Variants in OPA1 observed in about 807,000 individuals in gnomAD.
The protein encoded by OPA1 is dynamin-like GTPase OPA1, mitochondrial.
In OPA1, 59 loss-of-function variants were observed where a neutral mutation model predicts 152.9. That is an observed-to-expected ratio of 0.39 (90% CI 0.31 to 0.48). The LOEUF (loss-of-function observed/expected upper bound fraction) is 0.48, where lower values mean the gene tolerates loss of function less well. Ranked by LOEUF, OPA1 falls within the 20% of genes least tolerant of loss-of-function variation. The pLI, the probability that OPA1 is intolerant of heterozygous loss-of-function variation, is 0.96. For synonymous variants in OPA1, 400 were observed against 389.9 expected, an observed-to-expected ratio of 1.03 and a Z score of -0.31; for missense variants, 1,008 against 1,216.8, an observed-to-expected ratio of 0.83 and a Z score of 2.55.
intron 1 of OPA1, among the ~76,000 whole-genome samples, chr3:193,601,551 C>G (rs1165274737): frequency 2.0e-5 from 3 of 152,118 alleles, no homozygotes; most frequent in Non-Finnish European, 4.4e-5. Context: ...GAATAACATC[C>G]AGTGGGAAAT....
chr3:193,652,187 C>A (rs1231145623), intron 21 of OPA1, among the ~76,000 whole-genome samples: 2 of 151,998 alleles, frequency 1.3e-5, no homozygotes, highest in African/African-American at 4.8e-5. Context: ...TCAAGACCAA[C>A]CTGGGCAACA....
intron 11 of OPA1, 22 bp downstream of exon 11, chr3:193,638,087 G>A (rs767706529): frequency 3.2e-6 from 5 of 1,557,484 alleles, no homozygotes; most frequent in Non-Finnish European, 8.9e-7. Flanking sequence ...GGCCGTCTCA[G>A]TGAGGTTCCT....
chr3:193,594,733 G>C (rs982316469), intron 1 of OPA1, among the ~76,000 whole-genome samples: 6 of 152,172 alleles, frequency 3.9e-5, no homozygotes, highest in Admixed American at 3.3e-4. Context: ...TACAGAACTA[G>C]ATGAGATAAC....
intron 5 of OPA1, 34 bp downstream of exon 5, chr3:193,617,871 T>C (rs1729316595): frequency 1.3e-6 from 2 of 1,510,006 alleles, no homozygotes; most frequent in East Asian, 4.5e-5. Flanking sequence ...GACCTTAACA[T>C]GCCTTTTAAA....
At chr3:193,664,777 A>G (rs929877095) in intron 26 of OPA1, 103 bp from the exon 27 acceptor site, 7 of 739,506 alleles carry the variant, frequency 9.5e-6, no homozygotes, top group African/African-American at 7.1e-5. Context: ...TTTTGCTTTT[A>G]ATTAACTTTT....
Position 193,622,146 on chromosome 3 carries a change from A to G in OPA1, c.678+3210A>G, listed in dbSNP as rs143167673. 4.4e-3 allele frequency among the ~76,000 whole-genome samples: 665 copies of G among 152,180 alleles called. 8 individuals carry two copies. The highest frequency in any genetic ancestry group is 0.015 in the African/African-American group (620 of 41,512). On this transcript the variant is annotated intron_variant, in intron 6 of 30. Coordinates refer to ENST00000361510, the MANE Select transcript of OPA1 (RefSeq NM_130837.3). ...GGACTTTTTCATGGCCCAAATCATGAAAAGTAGTAGTATTGTTTTAAGTAT... is the reference window on the plus strand; with the variant it reads ...GGACTTTTTCATGGCCCAAATCATGGAAAGTAGTAGTATTGTTTTAAGTAT...
intron 29 of OPA1, among the ~76,000 whole-genome samples, chr3:193,688,610 ATACT>A (rs1278138733): frequency 6.6e-6 from 1 of 151,306 alleles, no homozygotes; most frequent in Non-Finnish European, 1.5e-5. Flanking sequence ...GTCAAAGGTA[ATACT>A]TAAAAAAGAC....
intron 1 of OPA1, among the ~76,000 whole-genome samples, chr3:193,595,186 A>G (rs542189310): frequency 3.9e-5 from 6 of 152,350 alleles, no homozygotes; most frequent in East Asian, 1.9e-4. Flanking sequence ...TTCTTTTGCT[A>G]TAGTTCCTTT....
intron 16 of OPA1, 92 bp downstream of exon 16, chr3:193,644,197 CA>C: frequency 7.3e-7 from 1 of 1,364,168 alleles, no homozygotes; most frequent in East Asian, 2.4e-5. Context: ...ACAACAACAA[CA>C]AAAAAACACC....
rs1722293851 is a variant in OPA1 at position 193,696,902 on chromosome 3, C to A, written c.*2302C>A. 6.6e-6 allele frequency: 1 copy of A among 152,194 alleles called. No individual in the cohort carries two copies. Among genetic ancestry groups the A allele is most frequent in the South Asian group, 2.1e-4 (1 of 4,830 alleles). The allele number at this position is 152,194 out of a possible 1,614,324, so 9.4% of individuals were successfully genotyped here. On this transcript the variant is annotated 3_prime_UTR_variant, in exon 31 of 31. Transcript: ENST00000361510. ...CGAAATAAGTGGCCCTTGCAGCTTCCCCGTTTAACCCACTGTGCTATAGTT... is the reference window on the plus strand; with the variant it reads ...CGAAATAAGTGGCCCTTGCAGCTTCACCGTTTAACCCACTGTGCTATAGTT...
chr3:193,676,979 C>CAAAAAAA (rs151218523), intron 29 of OPA1, among the ~76,000 whole-genome samples: 2 of 70,844 alleles, frequency 2.8e-5, no homozygotes, highest in East Asian at 4.6e-4. Flanking sequence ...AGACTCGTCT[C>CAAAAAAA]AAAAAAAAAA....
At chr3:193,637,313 T>A (rs10451941) in intron 10 of OPA1, 32 bp downstream of exon 10, 2 of 1,416,832 alleles carry the variant, frequency 1.4e-6, no homozygotes, top group Non-Finnish European at 1.0e-6. Context: ...AACTTGCCAA[T>A]TAGCAAAAAA....
chr3:193,613,885 TA>T (rs749570814), intron 1 of OPA1: 3 of 517,182 alleles, frequency 5.8e-6, no homozygotes, highest in African/African-American at 5.8e-5. Context: ...GCCTCCTTCT[TA>T]AGAAGTTTCC....
At chr3:193,618,679 G>GT (rs145678823) in intron 5 of OPA1, 190 bp from the exon 6 acceptor site, 11,924 of 501,774 alleles carry the variant, frequency 0.024, 3 homozygotes, top group South Asian at 0.031. Context: ...GCTATAGTTA[G>GT]TTTTTTTTTT....
At chr3:193,609,533 G>A (rs970750390) in intron 1 of OPA1, among the ~76,000 whole-genome samples, 7 of 152,114 alleles carry the variant, frequency 4.6e-5, no homozygotes, top group Non-Finnish European at 1.0e-4. Context: ...TGCTCTTTTC[G>A]AGGAGTATCT....
intron 29 of OPA1, chr3:193,691,433 C>T (rs1413080953): frequency 6.6e-6 from 1 of 152,078 alleles, no homozygotes; most frequent in Non-Finnish European, 1.5e-5. Flanking sequence ...TATTTTTAAA[C>T]TTATTTATAG....
In OPA1 at chr3:193,654,766, G is replaced by A. The variant is rs190899063; in HGVS notation, c.2013-96G>A. ...GAAAACTTATCAAAATTTTAAATAT[G>A]TACAGTTTATTATAAGTTAATGATA... On this transcript the variant is annotated intron_variant, in intron 21 of 30. Coordinates refer to ENST00000361510, the MANE Select transcript of OPA1 (RefSeq NM_130837.3). The A allele has an allele frequency of 4.8e-3, 6,115 of 1,285,878 alleles. 18 individuals are homozygous for A. The highest frequency in any genetic ancestry group is 6.1e-3 in the Non-Finnish European group (5,527 of 910,000). The allele number at this position is 1,285,878 out of a possible 1,614,324, so 79.7% of individuals were successfully genotyped here.
chr3:193,695,625 TG>T lies in OPA1; in HGVS notation c.*1026del, dbSNP rs1352079901. 2.0e-5 allele frequency: 3 copies of T among 152,216 alleles called. No individual in the cohort carries two copies. The highest frequency in any genetic ancestry group is 7.2e-5 in the African/African-American group (3 of 41,458). The allele number at this position is 152,216 out of a possible 1,614,324, so 9.4% of individuals were successfully genotyped here. The stretch of plus-strand genomic sequence containing the variant: ...ATACTACCTTCACAACATTTTCATG[TG>T]TTTTAAATAAATATTTTTTAATTGG... On this transcript the variant is annotated 3_prime_UTR_variant, in exon 31 of 31. Transcript: ENST00000361510.
At chr3:193,656,075 C>T (rs1713737994) in intron 22 of OPA1, among the ~76,000 whole-genome samples, 1 of 152,120 alleles carries the variant, frequency 6.6e-6, no homozygotes, top group African/African-American at 2.4e-5. Flanking sequence ...GACACATTTA[C>T]CCCTGAAGAA....
Sources: allele counts gnomAD v4.1 joint callset (sites outside exome capture counted in the v4.1 genomes callset), GRCh38; gene constraint gnomAD v4.1.1; transcripts MANE v1.5; gene names NCBI Gene and HGNC (gene_info 2026-07-23, HGNC 2026-07-21).